SOX13: variants seen among roughly 807,000 people sequenced by gnomAD.
SOX13 encodes SRY-box transcription factor 13.
Under a neutral mutation model 71.8 loss-of-function variants are expected in SOX13, and 28 were observed. That is an observed-to-expected ratio of 0.39 (90% CI 0.29 to 0.53). The LOEUF (loss-of-function observed/expected upper bound fraction) is 0.53, where lower values mean the gene tolerates loss of function less well. Ranked by LOEUF, SOX13 falls within the 20% of genes least tolerant of loss-of-function variation. The pLI is 0.70. For synonymous variants in SOX13, 309 were observed against 317.8 expected (o/e 0.97, Z 0.29); for missense variants, 627 against 810.3 (o/e 0.77, Z 2.75).
At position 204,122,457 on chromosome 1, in the gene SOX13, A is replaced by C. The variant is rs904902310; in HGVS notation, c.1024+58A>C. 2.1e-6 allele frequency: 3 copies of C among 1,424,170 alleles called. No homozygotes were observed. In the Admixed American group the frequency reaches 6.6e-5, roughly 31 times the overall value. The allele number at this position is 1,424,170 out of a possible 1,614,324, so 88.2% of individuals were successfully genotyped here. A position where few individuals can be genotyped will look rare whatever the true frequency, so the allele number is the denominator to read the frequency against. On this transcript the variant is annotated intron_variant, in intron 9 of 13. Transcript: ENST00000367204. The stretch of plus-strand genomic sequence containing the variant: ...GCCCTCTTAGGGGAGAGCCGGCGGC[A>C]TGATGCGACCTTGAGCAGGTCCCTT...
chr1:204,125,964 C>T lies in SOX13; in HGVS notation c.1699C>T (p.Leu567=). ...PLVEHYVPRS[L]DPNMPVIVNT... is the part of the protein sequence containing the mutation. Reference sequence around the variant, plus strand: ...GGTGGAGCACTATGTCCCTCGTAGCCTGGACCCCAACATGCCTGTGATCGT... The same window carrying T: ...GGTGGAGCACTATGTCCCTCGTAGCTTGGACCCCAACATGCCTGTGATCGT... The change falls in exon 14 of 14, where the codon CTG becomes TTG. Residue 567 remains leucine (L), a synonymous_variant. Transcript: ENST00000367204. The T allele has an allele frequency of 6.2e-7, 1 of 1,613,974 alleles. No individual in the cohort carries two copies. The highest frequency in any genetic ancestry group is 8.5e-7 in the Non-Finnish European group (1 of 1,179,890).
intron 2 of SOX13, 129 bp downstream of exon 2, chr1:204,113,263 C>A (rs372177251): frequency 2.5e-6 from 2 of 792,162 alleles, no homozygotes; most frequent in Non-Finnish European, 3.9e-6. Flanking sequence ...AGGGGTAAGA[C>A]GCCATGTAGG....
Position 204,124,713 on chromosome 1 carries a change from A to G in SOX13, c.1448A>G (p.Gln483Arg). 1 of 1,613,340 alleles carries G rather than the reference A, an allele frequency of 6.2e-7. No individual in the cohort carries two copies. The highest frequency in any genetic ancestry group is 1.3e-5 in the African/African-American group (1 of 75,058). Residue 483 changes from glutamine (Q) to arginine (R), a missense_variant, in exon 13 of 14, where the codon CAG becomes CGG. Gln to Arg is a conservative substitution (Grantham distance 43). Around this residue, in one of 3 missense-constraint regions of SOX13, gnomAD observed 32 missense variants for 85.4 expected, o/e 0.37. Transcript: ENST00000367204. ...GAGGAACAGGCGCGGCTGAGCCGGC[A>G]GCACCTGGAGAAGTATCCTGACTAC... ...YYEEQARLSR[Q>R]HLEKYPDYKY...
rs548719168 is a variant in SOX13 at position 204,104,880 on chromosome 1, A to G, written c.-1-8035A>G. The stretch of plus-strand genomic sequence containing the variant: ...GAAGGCTGTCGTTGTGGAGGGAGGA[A>G]GGACTGACAGTAAAAACTCCTTTGA... On this transcript the variant is annotated intron_variant, in intron 1 of 13. Transcript: ENST00000367204. Among the ~76,000 whole-genome samples the G allele has an allele frequency of 7.3e-4, 110 of 151,708 alleles. 2 individuals are homozygous for G. The South Asian group carries it at 0.022, about 30-fold the overall frequency.
intron 7 of SOX13, 33 bp downstream of exon 7, chr1:204,117,740 G>A: frequency 6.8e-7 from 1 of 1,473,544 alleles, no homozygotes. Context: ...CACCACTGCG[G>A]CCAGCCTGTC....
chr1:204,077,915 A>C (rs1010011536), intron 1 of SOX13, among the ~76,000 whole-genome samples: 2 of 152,044 alleles, frequency 1.3e-5, no homozygotes, highest in African/African-American at 4.8e-5. Flanking sequence ...GAGTTCAAGC[A>C]ATTCTCCTGC....
At chr1:204,084,872 C>A (rs1292316486) in intron 1 of SOX13, among the ~76,000 whole-genome samples, 1 of 152,154 alleles carries the variant, frequency 6.6e-6, no homozygotes, top group African/African-American at 2.4e-5. Context: ...AAATCTGCCT[C>A]TGAGCGAATC....
rs56343166 is a variant in SOX13 at position 204,122,602 on chromosome 1, C to T, written c.1024+203C>T. 22,103 of 603,958 alleles carry T rather than the reference C, an allele frequency of 0.037. 523 individuals are homozygous for T. The highest frequency in any genetic ancestry group is 0.058 in the African/African-American group (3,100 of 53,840). The allele number at this position is 603,958 out of a possible 1,614,324, so 37.4% of individuals were successfully genotyped here. ...GCATTCCAAGCATCAGGGATTCAGG[C>T]CAGAGTCACATAGTTCCAGGGGGTA... is the stretch of plus-strand genomic sequence containing the variant. On this transcript the variant is annotated intron_variant, in intron 9 of 13. Coordinates refer to ENST00000367204, the MANE Select transcript of SOX13 (RefSeq NM_005686.3).
chr1:204,076,063 T>G (rs998319996), intron 1 of SOX13, among the ~76,000 whole-genome samples: 1 of 152,116 alleles, frequency 6.6e-6, no homozygotes, highest in Non-Finnish European at 1.5e-5. Context: ...TCTTCTCGAG[T>G]CTTTTTTCTT....
At chr1:204,099,023 G>A (rs1232669252) in intron 1 of SOX13, among the ~76,000 whole-genome samples, 2 of 152,218 alleles carry the variant, frequency 1.3e-5, no homozygotes, top group Non-Finnish European at 2.9e-5. Context: ...CAAGGGCCTG[G>A]TTCCCTTGAC....
At chr1:204,124,118 G>A (rs570764825) in intron 12 of SOX13, among the ~76,000 whole-genome samples, 1 of 152,178 alleles carries the variant, frequency 6.6e-6, no homozygotes, top group African/African-American at 2.4e-5. Flanking sequence ...CAGAAAACAG[G>A]AGAGACTAGT....
intron 1 of SOX13, among the ~76,000 whole-genome samples, chr1:204,096,238 CG>C (rs1217189976): frequency 1.6e-5 from 1 of 61,246 alleles, no homozygotes; most frequent in Non-Finnish European, 3.2e-5. Context: ...TTCTTTCTTT[CG>C]TTTTTTTTTT....
At position 204,123,909 on chromosome 1, in the gene SOX13, C is replaced by T. The variant is rs1656864453; in HGVS notation, c.1375+105C>T. ...TGATATTCCATACTGTGTTGGACTC[C>T]AGTGGAATCTGACGACAGGGGTGCA... On this transcript the variant is annotated intron_variant, in intron 12 of 13. Coordinates refer to ENST00000367204, the MANE Select transcript of SOX13 (RefSeq NM_005686.3). This position sits in a 1 kb window ranked among gnomAD's most constrained non-coding sequence, Gnocchi z 5.0. The T allele has an allele frequency of 6.8e-6, 9 of 1,315,914 alleles. No individual in the cohort carries two copies. In the South Asian group the frequency reaches 9.5e-5, roughly 14 times the overall value. The allele number at this position is 1,315,914 out of a possible 1,614,324, so 81.5% of individuals were successfully genotyped here. A position where few individuals can be genotyped will look rare whatever the true frequency, so the allele number is the denominator to read the frequency against.
At chr1:204,125,796 G>C in intron 13 of SOX13, 62 bp from the exon 14 acceptor site, 1 of 1,540,658 alleles carries the variant, frequency 6.5e-7, no homozygotes, top group South Asian at 1.2e-5. Flanking sequence ...GCCTGGAGGG[G>C]AGATGGGTTT....
chr1:204,112,764 CAAGT>C (rs1173379717), intron 1 of SOX13, among the ~76,000 whole-genome samples, 147 bp from the exon 2 acceptor site: 1 of 152,100 alleles, frequency 6.6e-6, no homozygotes, highest in Non-Finnish European at 1.5e-5. Context: ...TGTGGGTTCA[CAAGT>C]AAGCTTGCCC....
intron 1 of SOX13, among the ~76,000 whole-genome samples, chr1:204,112,634 A>G (rs1037888852): frequency 3.3e-5 from 5 of 152,144 alleles, no homozygotes; most frequent in African/African-American, 1.2e-4. Flanking sequence ...CGTAGTCCCA[A>G]GCATTACACA....
At chr1:204,116,461 T>C (rs1370666005) in intron 4 of SOX13, 46 bp from the exon 5 acceptor site, 10 of 1,612,916 alleles carry the variant, frequency 6.2e-6, no homozygotes, top group Non-Finnish European at 8.5e-6. Flanking sequence ...GATGTATAGA[T>C]GAACAAGTAA....
intron 5 of SOX13, 116 bp from the exon 6 acceptor site, chr1:204,117,006 C>T: frequency 9.7e-7 from 1 of 1,028,492 alleles, no homozygotes; most frequent in East Asian, 2.6e-5. Context: ...CTCCCTACTG[C>T]CACCCCACTC....
intron 1 of SOX13, among the ~76,000 whole-genome samples, chr1:204,094,413 A>G (rs1656207052): frequency 6.6e-6 from 1 of 152,206 alleles, no homozygotes; most frequent in African/African-American, 2.4e-5. Flanking sequence ...CAGCAGGGAC[A>G]GGGTTAAATT....
Sources: gnomAD v4.1 joint callset for allele counts (sites outside exome capture counted in the v4.1 genomes callset) on GRCh38, gnomAD v4.1.1 for gene constraint, gnomAD v4.1.1 regional missense constraint, Gnocchi (gnomAD v3.1) non-coding constraint, MANE v1.5 for transcripts, NCBI Gene and HGNC (gene_info 2026-07-23, HGNC 2026-07-21) for gene names.